The following BCR variants were observed in gnomAD, a reference collection of about 807,000 sequenced individuals.
BCR encodes the protein breakpoint cluster region protein.
In BCR, 58 loss-of-function variants were observed where a neutral mutation model predicts 138.6. The ratio of observed to expected loss-of-function variants is 0.42; its 90% CI spans 0.34 to 0.52. The LOEUF (loss-of-function observed/expected upper bound fraction) is 0.52, where lower values mean the gene tolerates loss of function less well. Among genes scored for constraint, BCR ranks in the 20% least tolerant of loss-of-function variants. The pLI is 0.06. For synonymous variants in BCR, 786 were observed against 730.1 expected, an observed-to-expected ratio of 1.08 and a Z score of -1.23; for missense variants, 1,599 against 1,727.2, an observed-to-expected ratio of 0.93 and a Z score of 1.32.
Position 23,309,431 on chromosome 22 carries a change from C to T in BCR, c.3020C>T (p.Pro1007Leu), listed in dbSNP as rs758369889. 5.0e-6 allele frequency: 8 copies of T among 1,601,516 alleles called. No individual in the cohort carries two copies. The highest frequency in any genetic ancestry group is 4.5e-5 in the East Asian group (2 of 44,468). The change falls in exon 17 of 23, where the codon CCG becomes CTG. Residue 1007 changes from proline (P) to leucine (L), a missense_variant. This residue lies in a region of BCR where 590 missense variants were observed against 762.4 expected (regional missense o/e 0.77). Transcript: ENST00000305877. ...LMGKGQVQLD[P>L]QALQDRDWQR... is the part of the protein sequence containing the mutation. ...ATGACTCCTTCCTTTCAGCTGGACC[C>T]GCAGGCCCTGCAGGACAGAGACTGG...
intron 1 of BCR, among the ~76,000 whole-genome samples, chr22:23,184,670 G>C (rs1230643177): frequency 6.6e-6 from 1 of 152,126 alleles, no homozygotes; most frequent in Non-Finnish European, 1.5e-5. Context: ...TTACATTTGG[G>C]TTCACTCTTG....
Position 23,181,678 on chromosome 22 carries a change from T to A in BCR, c.718T>A (p.Cys240Ser), listed in dbSNP as rs775997965. 1.2e-6 allele frequency: 2 copies of A among 1,606,324 alleles called. No individual in the cohort carries two copies. The highest frequency in any genetic ancestry group is 1.7e-6 in the Non-Finnish European group (2 of 1,179,816). ...CCGGGGACGCTCCTCGGAGAGCAGC[T>A]GCGGCGTCGACGGCGACTACGAGGA... is the stretch of plus-strand genomic sequence containing the variant. ...PYRGRSSESS[C>S]GVDGDYEDAE... Residue 240 changes from cysteine to serine, a missense_variant, in exon 1 of 23, where the codon TGC becomes AGC. Cys to Ser is a moderately radical substitution (Grantham distance 112). Around this residue, in one of 4 missense-constraint regions of BCR, gnomAD observed 806 missense variants for 635.0 expected, o/e 1.27. Coordinates refer to ENST00000305877, the MANE Select transcript of BCR (RefSeq NM_004327.4).
chr22:23,275,209 G>T (rs909491736), intron 8 of BCR, among the ~76,000 whole-genome samples: 1 of 152,246 alleles, frequency 6.6e-6, no homozygotes, highest in East Asian at 1.9e-4. Flanking sequence ...CCCAGGAAGG[G>T]CATGGAGGAG....
At position 23,315,710 on chromosome 22, in the gene BCR, G is replaced by T. The variant is rs1438904478; in HGVS notation, c.*188G>T. The T allele has an allele frequency of 8.8e-6, 6 of 685,648 alleles. No homozygotes were observed. Among genetic ancestry groups the T allele is most frequent in the Admixed American group, 2.1e-5 (1 of 48,560 alleles). The allele number at this position is 685,648 out of a possible 1,614,324, so 42.5% of individuals were successfully genotyped here. On this transcript the variant is annotated 3_prime_UTR_variant, in exon 23 of 23. Transcript: ENST00000305877. Reference sequence around the variant, plus strand: ...GGAAAGATCCCGCCCAGGTCTGGGAGCCCCAGGCTGGCCTCAGACTGTGGT... The same window carrying T: ...GGAAAGATCCCGCCCAGGTCTGGGATCCCCAGGCTGGCCTCAGACTGTGGT...
intron 1 of BCR, among the ~76,000 whole-genome samples, chr22:23,219,567 C>T (rs2072798739): frequency 6.6e-6 from 1 of 152,210 alleles, no homozygotes; most frequent in Non-Finnish European, 1.5e-5. Flanking sequence ...TCTGAGTTGC[C>T]CATGGGCTGA....
At chr22:23,240,302 C>CGTGTGTGTGT (rs200491524) in intron 1 of BCR, among the ~76,000 whole-genome samples, 293 of 144,110 alleles carry the variant, frequency 2.0e-3, no homozygotes, top group African/African-American at 6.6e-3. Flanking sequence ...CCTGGCTGAT[C>CGTGTGTGTGT]GTGTGTGTGT....
intron 1 of BCR, among the ~76,000 whole-genome samples, chr22:23,210,906 A>C (rs1180446132): frequency 3.3e-5 from 5 of 152,168 alleles, no homozygotes; most frequent in African/African-American, 1.2e-4. Flanking sequence ...CTTTATTCAG[A>C]TGTAACATAC....
intron 1 of BCR, among the ~76,000 whole-genome samples, chr22:23,239,109 G>A (rs1344220103): frequency 6.6e-6 from 1 of 152,084 alleles, no homozygotes; most frequent in Non-Finnish European, 1.5e-5. Context: ...TTCCTTATCT[G>A]CATGGAAGCC....
intron 4 of BCR, among the ~76,000 whole-genome samples, chr22:23,266,745 C>G (rs2073447292): frequency 6.6e-6 from 1 of 152,252 alleles, no homozygotes; most frequent in African/African-American, 2.4e-5. Context: ...TCAGGAATAG[C>G]CTCACGTTCT....
At chr22:23,251,380 A>G (rs1042589091) in intron 1 of BCR, 5 of 138,596 alleles carry the variant, frequency 3.6e-5, no homozygotes, top group African/African-American at 1.3e-4. Flanking sequence ...ATCGTTTTCA[A>G]AGCCTCCCAG....
At chr22:23,315,129 CAGG>C (rs2074054425) in intron 22 of BCR, among the ~76,000 whole-genome samples, 1 of 152,140 alleles carries the variant, frequency 6.6e-6, no homozygotes, top group Non-Finnish European at 1.5e-5. Flanking sequence ...GAGGCTGACA[CAGG>C]AGGATTTCTT....
At chr22:23,227,597 A>T (rs1422781102) in intron 1 of BCR, among the ~76,000 whole-genome samples, 2 of 152,368 alleles carry the variant, frequency 1.3e-5, no homozygotes, top group East Asian at 3.9e-4. Context: ...TTTCAGCTGC[A>T]TGGTGACACA....
intron 8 of BCR, 87 bp from the exon 9 acceptor site, chr22:23,283,890 A>T (rs897154681): frequency 2.6e-5 from 38 of 1,449,106 alleles, no homozygotes; most frequent in Non-Finnish European, 3.3e-5. Flanking sequence ...CTCTGGGTCA[A>T]CCTGCTCCTG....
intron 8 of BCR, among the ~76,000 whole-genome samples, chr22:23,275,377 C>T (rs947583984): frequency 3.3e-5 from 5 of 152,242 alleles, no homozygotes; most frequent in Non-Finnish European, 7.3e-5. Flanking sequence ...AGGGTGGGAA[C>T]ATGGCCCCAC....
At chr22:23,260,643 A>T (rs1336112087) in intron 2 of BCR, among the ~76,000 whole-genome samples, 2 of 152,164 alleles carry the variant, frequency 1.3e-5, no homozygotes, top group African/African-American at 2.4e-5. Context: ...CTTGGGTTGC[A>T]TGCAGAAGCG....
At chr22:23,261,731 C>CTT (rs370187627) in intron 4 of BCR, 191 bp downstream of exon 4, 574 of 302,898 alleles carry the variant, frequency 1.9e-3, no homozygotes, top group East Asian at 3.6e-3. Context: ...CATGCCCAGC[C>CTT]TTTTTTTTTT....
In BCR at chr22:23,315,675, C is replaced by CA; in HGVS notation, c.*154dup. ...GAGACAGCGACCCAAAGCCGAAGGA[C>CA]AGGTGGCCTGGAAAGATCCCGCCCA... On this transcript the variant is annotated 3_prime_UTR_variant, in exon 23 of 23. Transcript: ENST00000305877. The CA allele has an allele frequency of 7.6e-6, 6 of 788,856 alleles. No homozygotes were observed. Among genetic ancestry groups the CA allele is most frequent in the Non-Finnish European group, 1.1e-5 (5 of 460,864 alleles). The allele number at this position is 788,856 out of a possible 1,614,324, so 48.9% of individuals were successfully genotyped here.
rs1555877164 is a variant in BCR at position 23,231,548 on chromosome 22, T to TAAATA, written c.1280-22245_1280-22241dup. ...TAAAATAAAATAAAATAAAATAAAA[T>TAAATA]AAATAAAATACCAACAGCCTGTGCT... On this transcript the variant is annotated intron_variant, in intron 1 of 22. Transcript: ENST00000305877. 2.5e-3 allele frequency among the ~76,000 whole-genome samples: 341 copies of TAAATA among 137,802 alleles called. 4 individuals are homozygous for TAAATA. Among genetic ancestry groups the TAAATA allele is most frequent in the African/African-American group, 8.7e-3 (325 of 37,444 alleles). The allele number at this position is 137,802 out of a possible 152,430, so 90.4% of individuals were successfully genotyped here.
At chr22:23,197,196 C>T (rs10427917) in intron 1 of BCR, among the ~76,000 whole-genome samples, 2,363 of 152,246 alleles carry the variant, frequency 0.016, 57 homozygotes, top group African/African-American at 0.054. Flanking sequence ...CAATTGCTTA[C>T]GGTATTCAGT....
Sources: gnomAD v4.1 joint callset for allele counts (sites outside exome capture counted in the v4.1 genomes callset) on GRCh38, gnomAD v4.1.1 for gene constraint, gnomAD v4.1.1 regional missense constraint, MANE v1.5 for transcripts, NCBI Gene and HGNC (gene_info 2026-07-23, HGNC 2026-07-21) for gene names.